BRIP1: variants seen among roughly 807,000 people sequenced by gnomAD.
BRIP1 encodes BRCA1 interacting DNA helicase 1.
Under a neutral mutation model 119.7 loss-of-function variants are expected in BRIP1, and 88 were observed. The ratio of observed to expected loss-of-function variants is 0.74; its 90% confidence interval spans 0.62 to 0.88. BRIP1 has a LOEUF of 0.88. Among genes scored for constraint, BRIP1 ranks in the 40% least tolerant of loss-of-function variants. The probability of loss-of-function intolerance (pLI) is 0.00; values close to 1 mark genes in which losing one functional copy is unlikely to be tolerated. For missense variants in BRIP1, 1,259 were observed against 1,455.4 expected (o/e 0.87, Z 2.20); for synonymous variants, 443 against 496.5 (o/e 0.89, Z 1.43).
Position 61,728,313 on chromosome 17 carries a change from CA to C in BRIP1, c.2380-12251del, listed in dbSNP as rs1338661426. On this transcript the variant is annotated intron_variant, in intron 16 of 19. Coordinates refer to ENST00000259008, the MANE Select transcript of BRIP1 (RefSeq NM_032043.3). ...ATGCAGACTTCTGATTTCAATAAGT[CA>C]AAAAAAAAAAAAAAACCCCAGACAT... Among the ~76,000 whole-genome samples the C allele has an allele frequency of 6.9e-3, 782 of 113,194 alleles. 5 individuals carry two copies. Among genetic ancestry groups the C allele is most frequent in the Middle Eastern group, 0.02 (4 of 202 alleles). 74.3% of individuals were successfully genotyped at this position (113,194 alleles called of 152,430 possible).
At chr17:61,839,723 T>A (rs983712806) in intron 6 of BRIP1, among the ~76,000 whole-genome samples, 8 of 152,316 alleles carry the variant, frequency 5.3e-5, no homozygotes, top group African/African-American at 1.9e-4. Context: ...TATCTTAATG[T>A]TATGAGTAAT....
At chr17:61,702,663 T>C (rs952858943) in intron 17 of BRIP1, among the ~76,000 whole-genome samples, 6 of 152,218 alleles carry the variant, frequency 3.9e-5, no homozygotes, top group African/African-American at 1.4e-4. Context: ...TTACATAGTA[T>C]TCCATTGTGT....
In BRIP1 at chr17:61,687,045, G is replaced by C. The variant is rs1488109460; in HGVS notation, c.2576-880C>G. Among the ~76,000 whole-genome samples the C allele has an allele frequency of 3.3e-5, 5 of 152,166 alleles. No homozygotes were observed. The South Asian group carries it at 1.0e-3, about 32-fold the overall frequency. ...TTTATTTTGTTCATTTGGGGAATATGATTAGACCATAAAAATATGTGAAAT... is the reference window on the plus strand; with the variant it reads ...TTTATTTTGTTCATTTGGGGAATATCATTAGACCATAAAAATATGTGAAAT... On this transcript the variant is annotated intron_variant, in intron 18 of 19. Coordinates refer to ENST00000259008, the MANE Select transcript of BRIP1 (RefSeq NM_032043.3). The surrounding 1 kb of genome is among the most constrained non-coding windows in gnomAD (Gnocchi z 5.1).
chr17:61,716,085 T>G, intron 16 of BRIP1, 22 bp from the exon 17 acceptor site: 1 of 1,387,896 alleles, frequency 7.2e-7, no homozygotes, highest in South Asian at 1.4e-5. Flanking sequence ...AAAATATATT[T>G]AAAAAATTAG....
In BRIP1 at chr17:61,825,216, C is replaced by T. The variant is rs1039537407; in HGVS notation, c.628-16459G>A. 6.6e-6 allele frequency among the ~76,000 whole-genome samples: 1 copy of T among 151,412 alleles called. No homozygotes were observed. Among genetic ancestry groups the T allele is most frequent in the African/African-American group, 2.4e-5 (1 of 41,144 alleles). ...AGGAGAATGGCGTGAACCTGGGAGG[C>T]GGAGCTTGCAGTGACCCAAGATTGT... On this transcript the variant is annotated intron_variant, in intron 6 of 19. Transcript: ENST00000259008. This position sits in a 1 kb window ranked among gnomAD's most constrained non-coding sequence, Gnocchi z 4.1.
At chr17:61,783,519 C>CT (rs1453107826) in intron 11 of BRIP1, among the ~76,000 whole-genome samples, 1 of 151,764 alleles carries the variant, frequency 6.6e-6, no homozygotes, top group African/African-American at 2.4e-5. Context: ...CTTAATGGCA[C>CT]TGAGTTGTAT....
Position 61,691,927 on chromosome 17 carries a change from T to C in BRIP1, c.2575+1503A>G, listed in dbSNP as rs1422348741. The stretch of plus-strand genomic sequence containing the variant: ...GAGAACCATATAAGCCAATGGAACA[T>C]AATAGAGAGCTCAGAAGCAGATCCA... On this transcript the variant is annotated intron_variant, in intron 18 of 19. Transcript: ENST00000259008. This position sits in a 1 kb window ranked among gnomAD's most constrained non-coding sequence, Gnocchi z 5.0. Among the ~76,000 whole-genome samples the C allele has an allele frequency of 2.0e-5, 3 of 151,952 alleles. No homozygotes were observed. Among genetic ancestry groups the C allele is most frequent in the Non-Finnish European group, 4.4e-5 (3 of 67,948 alleles).
rs949611181 is a variant in BRIP1, at chr17:61,760,667, C to A, written c.2097+15734G>T. Among the ~76,000 whole-genome samples the A allele has an allele frequency of 1.3e-5, 2 of 151,766 alleles. No homozygotes were observed. The highest frequency in any genetic ancestry group is 4.8e-5 in the African/African-American group (2 of 41,370). On this transcript the variant is annotated intron_variant, in intron 14 of 19. Transcript: ENST00000259008. The surrounding 1 kb of genome is among the most constrained non-coding windows in gnomAD (Gnocchi z 4.6). ...TACAATTATATGCCAACAAAATAAA[C>A]TGGATACCTGGAAGAAATGGATAAA...
Position 61,680,480 on chromosome 17 carries a change from C to CTTTTTTTTTT in BRIP1, c.*2806_*2815dup, listed in dbSNP as rs768910110. Among the ~76,000 whole-genome samples, 2 of 124,096 alleles carry CTTTTTTTTTT rather than the reference C, an allele frequency of 1.6e-5. No homozygotes were observed. Among genetic ancestry groups the CTTTTTTTTTT allele is most frequent in the African/African-American group, 3.2e-5 (1 of 31,702 alleles). The allele number at this position is 124,096 out of a possible 152,430, so 81.4% of individuals were successfully genotyped here. ...AGTTTACCAATTCTAAAGGTAATTT[C>CTTTTTTTTTT]TTTTTTTTTTTTTTTTTGAGACGGA... On this transcript the variant is annotated 3_prime_UTR_variant, in exon 20 of 20. Transcript: ENST00000259008.
chr17:61,790,497 G>T (rs2077798986), intron 10 of BRIP1, among the ~76,000 whole-genome samples: 1 of 152,006 alleles, frequency 6.6e-6, no homozygotes, highest in South Asian at 2.1e-4. Flanking sequence ...GGTGAGCTGA[G>T]ATCACGCCAT....
Position 61,701,791 on chromosome 17 carries a change from T to TA in BRIP1, c.2493-8280_2493-8279insT, listed in dbSNP as rs1205627454. ...GTTAAACAGCTGGCTGGGTGAGCTC[T>TA]GAGTCAGGTCAAATAAAGATAGCCT... On this transcript the variant is annotated intron_variant, in intron 17 of 19. Coordinates refer to ENST00000259008, the MANE Select transcript of BRIP1 (RefSeq NM_032043.3). This position sits in a 1 kb window ranked among gnomAD's most constrained non-coding sequence, Gnocchi z 5.1. 4.6e-5 allele frequency among the ~76,000 whole-genome samples: 7 copies of TA among 152,210 alleles called. No homozygotes were observed. The highest frequency in any genetic ancestry group is 1.4e-4 in the African/African-American group (6 of 41,448).
intron 17 of BRIP1, among the ~76,000 whole-genome samples, chr17:61,698,835 C>G (rs1004571869): frequency 1.3e-5 from 2 of 151,846 alleles, no homozygotes; most frequent in African/African-American, 4.8e-5. Context: ...CCACATCAGT[C>G]TCCTGAATAG....
rs865990528 is a variant in BRIP1 at position 61,736,466 on chromosome 17, T to A, written c.2379+6547A>T. Reference sequence around the variant, plus strand: ...TAAGATGCTGTTGAGGATTGAGCATTCCCTTCTACATATCCTCTAATGATT... The same window carrying A: ...TAAGATGCTGTTGAGGATTGAGCATACCCTTCTACATATCCTCTAATGATT... On this transcript the variant is annotated intron_variant, in intron 16 of 19. Transcript: ENST00000259008. This position sits in a 1 kb window ranked among gnomAD's most constrained non-coding sequence, Gnocchi z 4.4. 7.9e-5 allele frequency among the ~76,000 whole-genome samples: 12 copies of A among 152,314 alleles called. No individual in the cohort carries two copies. The highest frequency in any genetic ancestry group is 2.9e-4 in the African/African-American group (12 of 41,568).
At chr17:61,685,113 A>C (rs1352103385) in intron 19 of BRIP1, 2 of 152,268 alleles carry the variant, frequency 1.3e-5, no homozygotes, top group Non-Finnish European at 2.9e-5. Context: ...TTTGTGGAGC[A>C]TAATGTATCT....
Position 61,808,553 on chromosome 17 carries a change from T to A in BRIP1, c.832A>T (p.Ser278Cys). 6.2e-7 allele frequency: 1 copy of A among 1,613,586 alleles called. No homozygotes were observed. The highest frequency in any genetic ancestry group is 1.1e-5 in the South Asian group (1 of 91,078). ...GGATGGACACAAGTATGATCCCTGC[T>A]GGAAAGAATAGTCATTGGAACCCCT... ...YSGVPMTILS[S>C]RDHTCVHPEV... Residue 278 changes from serine (S) to cysteine (C), a missense_variant, in exon 7 of 20, where the codon AGC (serine) becomes TGC (cysteine). This residue lies in a region of BRIP1 where 501 missense variants were observed against 544.0 expected (regional missense o/e 0.92). Coordinates refer to ENST00000259008, the MANE Select transcript of BRIP1 (RefSeq NM_032043.3). The surrounding 1 kb of genome is among the most constrained non-coding windows in gnomAD (Gnocchi z 4.1).
chr17:61,759,888 GA>G lies in BRIP1; in HGVS notation c.2098-15298del, dbSNP rs34241703. Among the ~76,000 whole-genome samples the G allele has an allele frequency of 0.21, 29,558 of 139,294 alleles. 3,662 individuals are homozygous for G. Among genetic ancestry groups the G allele is most frequent in the Admixed American group, 0.38 (5,396 of 14,278 alleles). The allele number at this position is 139,294 out of a possible 152,430, so 91.4% of individuals were successfully genotyped here. The stretch of plus-strand genomic sequence containing the variant: ...GGGTTGCCACAAACCTTTAATTTAT[GA>G]AAAAAAAAAAACCCAGAATATTTGC... On this transcript the variant is annotated intron_variant, in intron 14 of 19. Transcript: ENST00000259008. This position sits in a 1 kb window ranked among gnomAD's most constrained non-coding sequence, Gnocchi z 4.9.
In BRIP1 at chr17:61,831,462, G is replaced by A. The variant is rs2078491512; in HGVS notation, c.627+15639C>T. On this transcript the variant is annotated intron_variant, in intron 6 of 19. Coordinates refer to ENST00000259008, the MANE Select transcript of BRIP1 (RefSeq NM_032043.3). This position sits in a 1 kb window ranked among gnomAD's most constrained non-coding sequence, Gnocchi z 4.1. ...TATAATAGTAATGAATAACTGGAAG[G>A]AAATTATAAGTGGAATCATACAATA... Among the ~76,000 whole-genome samples, 1 of 152,106 alleles carries A rather than the reference G, an allele frequency of 6.6e-6. No homozygotes were observed. The highest frequency in any genetic ancestry group is 2.4e-5 in the African/African-American group (1 of 41,404).
At position 61,683,099 on chromosome 17, in the gene BRIP1, C is replaced by A. The variant is rs902623173; in HGVS notation, c.*197G>T. 15 of 608,126 alleles carry A rather than the reference C, an allele frequency of 2.5e-5. No homozygotes were observed. Among genetic ancestry groups the A allele is most frequent in the Middle Eastern group, 4.8e-4 (1 of 2,078 alleles). 37.7% of individuals were successfully genotyped at this position (608,126 alleles called of 1,614,324 possible). The stretch of plus-strand genomic sequence containing the variant: ...TGAGCCCAGAGCACACCACTGCATT[C>A]CAGCCTGGGCAACAGACCAAGACTC... On this transcript the variant is annotated 3_prime_UTR_variant, in exon 20 of 20. Coordinates refer to ENST00000259008, the MANE Select transcript of BRIP1 (RefSeq NM_032043.3). This position sits in a 1 kb window ranked among gnomAD's most constrained non-coding sequence, Gnocchi z 4.7.
rs1888602765 is a variant in BRIP1 at position 61,851,510 on chromosome 17, C to T, written c.380-2254G>A. Among the ~76,000 whole-genome samples, 2 of 152,186 alleles carry T rather than the reference C, an allele frequency of 1.3e-5. No homozygotes were observed. Among genetic ancestry groups the T allele is most frequent in the South Asian group, 4.2e-4 (2 of 4,818 alleles). ...TGGACATCTAACAGGCCTAGCACCA[C>T]CCAAGTTCTTCCTTTCCCCTACAAG... On this transcript the variant is annotated intron_variant, in intron 4 of 19. Transcript: ENST00000259008. This position sits in a 1 kb window ranked among gnomAD's most constrained non-coding sequence, Gnocchi z 4.6.
Sources: allele counts gnomAD v4.1 joint callset (sites outside exome capture counted in the v4.1 genomes callset), GRCh38; gene constraint gnomAD v4.1.1; regional missense constraint gnomAD v4.1.1; non-coding constraint Gnocchi (gnomAD v3.1); transcripts MANE v1.5; gene names NCBI Gene and HGNC (gene_info 2026-07-23, HGNC 2026-07-21).